CSNK1A1: variants seen among roughly 807,000 people sequenced by gnomAD.
CSNK1A1 encodes casein kinase I isoform alpha.
In CSNK1A1, 7 loss-of-function variants were observed where a neutral mutation model predicts 46.1. The observed-to-expected ratio is 0.15, with a 90% CI of 0.09 to 0.29. CSNK1A1 has a LOEUF of 0.29. Ranked by LOEUF, CSNK1A1 falls within the 10% of genes least tolerant of loss-of-function variation. CSNK1A1 has a pLI of 1.00. For synonymous variants in CSNK1A1, 137 were observed against 141.5 expected (o/e 0.97, Z 0.23); for missense variants, 96 against 417.1 (o/e 0.23, Z 6.71).
chr5:149,505,898 C>A (rs1022806020), intron 8 of CSNK1A1, among the ~76,000 whole-genome samples: 4 of 151,726 alleles, frequency 2.6e-5, no homozygotes, highest in Non-Finnish European at 4.4e-5. Context: ...GGGGAAGACA[C>A]TTTTCTGGGG....
chr5:149,499,329 A>C, intron 9 of CSNK1A1: 1 of 820,954 alleles, frequency 1.2e-6, no homozygotes, highest in Non-Finnish European at 1.5e-6. Context: ...GGGGAGTTAA[A>C]ACAGAGTTGG....
chr5:149,518,674 AAATT>A (rs1761468970), intron 4 of CSNK1A1, among the ~76,000 whole-genome samples: 1 of 152,134 alleles, frequency 6.6e-6, no homozygotes, highest in Admixed American at 6.6e-5. Context: ...CAGCTCCACA[AAATT>A]ATTTTTAATA....
intron 4 of CSNK1A1, among the ~76,000 whole-genome samples, chr5:149,515,908 A>C (rs962784126): frequency 1.3e-5 from 2 of 152,262 alleles, no homozygotes; most frequent in African/African-American, 4.8e-5. Context: ...CACTTCCTTC[A>C]GTGAATCAAG....
In CSNK1A1 at chr5:149,505,606, T is replaced by TA. The variant is rs1195577056; in HGVS notation, c.858-12dup. On this transcript the variant is annotated splice_polypyrimidine_tract_variant and intron_variant, in intron 8 of 9. Coordinates refer to ENST00000377843, the MANE Select transcript of CSNK1A1 (RefSeq NM_001892.6). Reference sequence around the variant, plus strand: ...TGATGGTTCAGGGTCCTGGAACACATAAAATATTTTATGTTAATCCTTTAA... The same window carrying TA: ...TGATGGTTCAGGGTCCTGGAACACATAAAAATATTTTATGTTAATCCTTTAA... The TA allele has an allele frequency of 1.2e-6, 2 of 1,606,404 alleles. No individual in the cohort carries two copies. Among genetic ancestry groups the TA allele is most frequent in the Non-Finnish European group, 1.7e-6 (2 of 1,173,954 alleles).
chr5:149,507,564 C>G (rs548624788), intron 7 of CSNK1A1, among the ~76,000 whole-genome samples: 1 of 151,966 alleles, frequency 6.6e-6, no homozygotes, highest in Non-Finnish European at 1.5e-5. Context: ...AGGCTTCAAG[C>G]GATCCTCCAA....
At chr5:149,539,469 A>G (rs1319584711) in intron 2 of CSNK1A1, among the ~76,000 whole-genome samples, 2 of 65,018 alleles carry the variant, frequency 3.1e-5, no homozygotes, top group Non-Finnish European at 5.8e-5. Context: ...CCCAACTCTT[A>G]AAAAAAAAAA....
chr5:149,527,045 G>A (rs1259086354), intron 2 of CSNK1A1, among the ~76,000 whole-genome samples: 4 of 152,010 alleles, frequency 2.6e-5, no homozygotes, highest in Non-Finnish European at 4.4e-5. Flanking sequence ...AGATAACCCA[G>A]TAAGGGAAAA....
chr5:149,544,835 G>A (rs918821000), intron 2 of CSNK1A1, among the ~76,000 whole-genome samples: 2 of 147,884 alleles, frequency 1.4e-5, no homozygotes, highest in African/African-American at 5.1e-5. Context: ...AAGCTTTTGG[G>A]GAGTCAAGTT....
chr5:149,537,755 C>T (rs1420438675), intron 2 of CSNK1A1, among the ~76,000 whole-genome samples: 1 of 151,158 alleles, frequency 6.6e-6, no homozygotes, highest in African/African-American at 2.5e-5. Flanking sequence ...TAGAAGGATA[C>T]ACATGAATAG....
chr5:149,501,350 G>C (rs1411312787), intron 9 of CSNK1A1: 2 of 985,322 alleles, frequency 2.0e-6, no homozygotes. Context: ...ATTCAGAGCA[G>C]TGTGTTCAGA....
intron 2 of CSNK1A1, among the ~76,000 whole-genome samples, chr5:149,531,896 T>C (rs1253767306): frequency 6.6e-6 from 1 of 151,970 alleles, no homozygotes; most frequent in African/African-American, 2.4e-5. Flanking sequence ...ATTATTATTA[T>C]TTTTTGAGAC....
Position 149,542,670 on chromosome 5 carries a change from A to ATG in CSNK1A1, c.230+7403_230+7404dup, listed in dbSNP as rs1561772806. Among the ~76,000 whole-genome samples, 12 of 9,088 alleles carry ATG rather than the reference A, an allele frequency of 1.3e-3. 2 individuals carry two copies. Among genetic ancestry groups the ATG allele is most frequent in the African/African-American group, 6.5e-3 (12 of 1,858 alleles). 6.0% of individuals were successfully genotyped at this position (9,088 alleles called of 152,430 possible). A position where few individuals can be genotyped will look rare whatever the true frequency, so the allele number is the denominator to read the frequency against. On this transcript the variant is annotated intron_variant, in intron 2 of 9. Coordinates refer to ENST00000377843, the MANE Select transcript of CSNK1A1 (RefSeq NM_001892.6). Reference sequence around the variant, plus strand: ...TATATATATATATATATATATATATATGTATATATATATATATATATATTT... The same window carrying ATG: ...TATATATATATATATATATATATATATGTGTATATATATATATATATATATTT...
rs1233541202 is a variant in CSNK1A1 at position 149,493,599 on chromosome 5, T to C, written c.*3254A>G. 1 of 152,052 alleles carries C rather than the reference T, an allele frequency of 6.6e-6. No individual in the cohort carries two copies. Among genetic ancestry groups the C allele is most frequent in the Non-Finnish European group, 1.5e-5 (1 of 68,018 alleles). The allele number at this position is 152,052 out of a possible 1,614,324, so 9.4% of individuals were successfully genotyped here. A position where few individuals can be genotyped will look rare whatever the true frequency, so the allele number is the denominator to read the frequency against. ...ATTTACACTTGGTTCATCGCCATCTTTGGCTGTTTCAAACATACACTGCTA... is the reference window on the plus strand; with the variant it reads ...ATTTACACTTGGTTCATCGCCATCTCTGGCTGTTTCAAACATACACTGCTA... On this transcript the variant is annotated 3_prime_UTR_variant, in exon 10 of 10. Transcript: ENST00000377843.
At chr5:149,502,903 G>T in intron 9 of CSNK1A1, 1 of 583,430 alleles carries the variant, frequency 1.7e-6, no homozygotes, top group Non-Finnish European at 2.2e-6. Flanking sequence ...CAAATAGCTG[G>T]GACCATAGGT....
chr5:149,538,826 G>C (rs1317517647), intron 2 of CSNK1A1, among the ~76,000 whole-genome samples: 1 of 152,076 alleles, frequency 6.6e-6, no homozygotes, highest in African/African-American at 2.4e-5. Context: ...GGAGGCTGAG[G>C]CAGGAGGATC....
chr5:149,545,752 C>T, intron 2 of CSNK1A1: 1 of 631,498 alleles, frequency 1.6e-6, no homozygotes, highest in Non-Finnish European at 2.9e-6. Context: ...CATTTCTGTG[C>T]CATTTTCAGG....
At chr5:149,538,014 G>GTTTTTTTT (rs890909710) in intron 2 of CSNK1A1, among the ~76,000 whole-genome samples, 22 of 85,732 alleles carry the variant, frequency 2.6e-4, no homozygotes, top group Admixed American at 4.8e-4. Context: ...AGTGTGCCCA[G>GTTTTTTTT]TTTTTTTTTT....
chr5:149,502,105 G>C, intron 9 of CSNK1A1: 1 of 982,094 alleles, frequency 1.0e-6, no homozygotes, highest in Non-Finnish European at 1.2e-6. Flanking sequence ...AGATAAGCCA[G>C]ACTTAAAGAA....
chr5:149,496,414 T>C lies in CSNK1A1; in HGVS notation c.*439A>G, dbSNP rs1760654730. On this transcript the variant is annotated 3_prime_UTR_variant, in exon 10 of 10. Coordinates refer to ENST00000377843, the MANE Select transcript of CSNK1A1 (RefSeq NM_001892.6). ...CCCAGGGATGGAAAAACCCTAAGAA[T>C]GCACAATTGTGAGCATTTAACAACC... 1 of 158,792 alleles carries C rather than the reference T, an allele frequency of 6.3e-6. No individual in the cohort carries two copies. Among genetic ancestry groups the C allele is most frequent in the African/African-American group, 2.4e-5 (1 of 41,706 alleles). 9.8% of individuals were successfully genotyped at this position (158,792 alleles called of 1,614,324 possible).
Sources: gnomAD v4.1 joint callset for allele counts (sites outside exome capture counted in the v4.1 genomes callset) on GRCh38, gnomAD v4.1.1 for gene constraint, MANE v1.5 for transcripts, NCBI Gene and HGNC (gene_info 2026-07-23, HGNC 2026-07-21) for gene names.